Variants in HLCS observed in about 807,000 individuals in gnomAD.
The protein encoded by HLCS is biotin--protein ligase.
A neutral mutation model predicts 75.0 loss-of-function variants in HLCS; 53 were observed. The ratio of observed to expected loss-of-function variants is 0.71; its 90% CI spans 0.57 to 0.89. The LOEUF is 0.89. Among genes scored for constraint, HLCS ranks in the 40% least tolerant of loss-of-function variants. HLCS has a pLI of 0.00. For synonymous variants in HLCS, 431 were observed against 428.6 expected (o/e 1.01, Z -0.07); for missense variants, 966 against 1,074.0 (o/e 0.90, Z 1.41).
Position 36,966,552 on chromosome 21 carries a change from C to G in HLCS, c.87G>C (p.Leu29=), listed in dbSNP as rs1036100912. The G allele has an allele frequency of 1.0e-6, 1 of 1,001,746 alleles. No individual in the cohort carries two copies. Among genetic ancestry groups the G allele is most frequent in the Non-Finnish European group, 1.2e-6 (1 of 842,886 alleles). 62.1% of individuals were successfully genotyped at this position (1,001,746 alleles called of 1,614,324 possible). A position where few individuals can be genotyped will look rare whatever the true frequency, so the allele number is the denominator to read the frequency against. Residue 29 remains leucine, a synonymous_variant, in exon 1 of 11, where the codon CTG becomes CTC. Transcript: ENST00000674895. ...AGGTGAAGGAACAGCGCGAGGCACG[C>G]AGCCGCCGCACCGTGGCGCGCACGA... ...AELVRATVRR[L]RASRCSFTFC...
chr21:36,850,193 T>C (rs933349941), intron 6 of HLCS, among the ~76,000 whole-genome samples: 2 of 152,364 alleles, frequency 1.3e-5, no homozygotes, highest in South Asian at 2.1e-4. Flanking sequence ...ATAAATACAT[T>C]AAAAGTGAGT....
intron 5 of HLCS, among the ~76,000 whole-genome samples, chr21:36,919,738 G>A (rs2066081494): frequency 6.6e-6 from 1 of 152,160 alleles, no homozygotes; most frequent in Non-Finnish European, 1.5e-5. Context: ...TAGAGAATTA[G>A]CCTGAAATAA....
At chr21:36,921,336 T>G (rs2066156825) in intron 5 of HLCS, among the ~76,000 whole-genome samples, 1 of 152,022 alleles carries the variant, frequency 6.6e-6, no homozygotes, top group Non-Finnish European at 1.5e-5. Flanking sequence ...TTCCAGCTAC[T>G]CAGGAGGCTG....
intron 1 of HLCS, among the ~76,000 whole-genome samples, chr21:36,975,754 C>T (rs1461841264): frequency 2.0e-5 from 3 of 152,114 alleles, no homozygotes; most frequent in Non-Finnish European, 4.4e-5. Flanking sequence ...GCCTGGGCAA[C>T]AGAAGAGACC....
chr21:36,930,983 A>G (rs1365581530), intron 4 of HLCS, among the ~76,000 whole-genome samples: 1 of 152,192 alleles, frequency 6.6e-6, no homozygotes, highest in Non-Finnish European at 1.5e-5. Flanking sequence ...TAACTTGATT[A>G]TAGGAACAAA....
At chr21:36,789,016 A>G (rs1288638181) in intron 6 of HLCS, among the ~76,000 whole-genome samples, 1 of 152,182 alleles carries the variant, frequency 6.6e-6, no homozygotes, top group Non-Finnish European at 1.5e-5. Flanking sequence ...TATGGCCATA[A>G]CAGCCACCTG....
chr21:36,768,849 A>T (rs756642221), intron 6 of HLCS, among the ~76,000 whole-genome samples: 16 of 152,144 alleles, frequency 1.1e-4, no homozygotes, highest in Admixed American at 1.3e-4. Flanking sequence ...TCTAAGAAGG[A>T]GTCTTTGTCT....
chr21:36,888,446 ATATATATATATATATATATATATAT>A lies in HLCS; in HGVS notation c.1892+8389_1892+8413del, dbSNP rs1210301865. Among the ~76,000 whole-genome samples the A allele has an allele frequency of 4.6e-3, 324 of 70,406 alleles. 18 individuals carry two copies. Among genetic ancestry groups the A allele is most frequent in the African/African-American group, 0.017 (209 of 12,190 alleles). 46.2% of individuals were successfully genotyped at this position (70,406 alleles called of 152,430 possible). A position where few individuals can be genotyped will look rare whatever the true frequency, so the allele number is the denominator to read the frequency against. ...CCCTTCCCATTTAAAAAAAAAAAAA[ATATATATATATATATATATATATAT>A]ATATATATATATATATATATATATA... On this transcript the variant is annotated intron_variant, in intron 6 of 10. Transcript: ENST00000674895.
chr21:36,926,803 C>T (rs961905086), intron 5 of HLCS, among the ~76,000 whole-genome samples: 4 of 144,780 alleles, frequency 2.8e-5, no homozygotes, highest in African/African-American at 7.6e-5. Flanking sequence ...AGTGCAGTGG[C>T]ACAATCATAG....
chr21:36,929,671 G>T (rs1458540340), intron 5 of HLCS, among the ~76,000 whole-genome samples: 3 of 152,190 alleles, frequency 2.0e-5, no homozygotes, highest in Non-Finnish European at 4.4e-5. Context: ...CTATGAAACT[G>T]ATAGTATGGC....
At position 36,752,232 on chromosome 21, in the gene HLCS, C is replaced by T. The variant is rs1289229425; in HGVS notation, c.*2014G>A. 4 of 152,664 alleles carry T rather than the reference C, an allele frequency of 2.6e-5. No individual in the cohort carries two copies. Among genetic ancestry groups the T allele is most frequent in the Non-Finnish European group, 5.9e-5 (4 of 68,050 alleles). 9.5% of individuals were successfully genotyped at this position (152,664 alleles called of 1,614,324 possible). ...AGCGCCTGCTGGAAAGCACAGAGCA[C>T]AGCAGTATGCCCGGAACATCTCCAT... is the stretch of plus-strand genomic sequence containing the variant. On this transcript the variant is annotated 3_prime_UTR_variant, in exon 11 of 11. Coordinates refer to ENST00000674895, the MANE Select transcript of HLCS (RefSeq NM_001352514.2).
At position 36,881,808 on chromosome 21, in the gene HLCS, G is replaced by A. The variant is rs572908637; in HGVS notation, c.1892+15052C>T. Among the ~76,000 whole-genome samples, 333 of 152,250 alleles carry A rather than the reference G, an allele frequency of 2.2e-3. 2 individuals are homozygous for A. The highest frequency in any genetic ancestry group is 3.9e-3 in the Non-Finnish European group (264 of 68,012). ...ACCTGGCCTCTGAGAAGGCTCCCAG[G>A]ACCCATGTGGACAGGGGGGCTCTGC... is the stretch of plus-strand genomic sequence containing the variant. On this transcript the variant is annotated intron_variant, in intron 6 of 10. Transcript: ENST00000674895.
intron 2 of HLCS, among the ~76,000 whole-genome samples, chr21:36,950,286 T>A (rs2146600266): frequency 8.3e-6 from 1 of 121,034 alleles, no homozygotes; most frequent in Non-Finnish European, 1.8e-5. Flanking sequence ...TTTGAGTATA[T>A]TCAATTCTGC....
chr21:36,817,855 CA>C (rs1054232031), intron 6 of HLCS, among the ~76,000 whole-genome samples: 4 of 152,212 alleles, frequency 2.6e-5, no homozygotes, highest in Non-Finnish European at 4.4e-5. Context: ...TCCTACACAT[CA>C]AACCCTACTG....
At chr21:36,894,531 T>C (rs1263669953) in intron 6 of HLCS, among the ~76,000 whole-genome samples, 1 of 152,210 alleles carries the variant, frequency 6.6e-6, no homozygotes, top group Non-Finnish European at 1.5e-5. Context: ...AGTAGGTTTC[T>C]GTGAGTAACC....
chr21:36,852,490 A>C (rs890046397), intron 6 of HLCS, among the ~76,000 whole-genome samples: 1 of 152,186 alleles, frequency 6.6e-6, no homozygotes, highest in Non-Finnish European at 1.5e-5. Flanking sequence ...AGCAGCCAAC[A>C]AACACCCCAG....
rs538179315 is a variant in HLCS, at chr21:36,942,482, C to T, written c.331-3488G>A. Reference sequence around the variant, plus strand: ...TGCAAACCACGTACAAAAATTAACTCAAACTGGATCAAAGACCTCAATATA... The same window carrying T: ...TGCAAACCACGTACAAAAATTAACTTAAACTGGATCAAAGACCTCAATATA... On this transcript the variant is annotated intron_variant, in intron 2 of 10. Transcript: ENST00000674895. Among the ~76,000 whole-genome samples the T allele has an allele frequency of 1.5e-3, 226 of 149,184 alleles. 2 individuals are homozygous for T. Among genetic ancestry groups the T allele is most frequent in the African/African-American group, 5.3e-3 (216 of 40,572 alleles).
rs2068605672 is a variant in HLCS, at chr21:36,966,639, G to A, written c.-1C>T. ...ACAGGTAGCACAGCGTGATGAGCAT[G>A]GCCGCGCCGCCGGCAGGGCGAGCCC... On this transcript the variant is annotated 5_prime_UTR_variant, in exon 1 of 11. Coordinates refer to ENST00000674895, the MANE Select transcript of HLCS (RefSeq NM_001352514.2). The A allele has an allele frequency of 4.1e-6, 4 of 980,542 alleles. No individual in the cohort carries two copies. The highest frequency in any genetic ancestry group is 4.8e-6 in the Non-Finnish European group (4 of 827,416). 60.7% of individuals were successfully genotyped at this position (980,542 alleles called of 1,614,324 possible). A position where few individuals can be genotyped will look rare whatever the true frequency, so the allele number is the denominator to read the frequency against.
chr21:36,809,498 AT>A (rs979662267), intron 6 of HLCS, among the ~76,000 whole-genome samples: 2 of 152,028 alleles, frequency 1.3e-5, no homozygotes, highest in African/African-American at 4.8e-5. Context: ...GAATTCTGAA[AT>A]TTTTTAGCTA....
Sources: allele counts gnomAD v4.1 joint callset (sites outside exome capture counted in the v4.1 genomes callset), GRCh38; gene constraint gnomAD v4.1.1; transcripts MANE v1.5; gene names NCBI Gene and HGNC (gene_info 2026-07-23, HGNC 2026-07-21).